TTN: variants seen among roughly 807,000 people sequenced by gnomAD.
The protein encoded by TTN is titin.
In TTN, 1,525 loss-of-function variants were observed where a neutral mutation model predicts 3,223.0. That is an observed-to-expected ratio of 0.47 (90% CI 0.45 to 0.49). The LOEUF is 0.49. Among genes scored for constraint, TTN ranks in the 20% least tolerant of loss-of-function variants. The pLI is 0.00. For missense variants in TTN, 40,786 were observed against 43,424.0 expected (o/e 0.94, Z 5.40); for synonymous variants, 14,094 against 15,161.0 (o/e 0.93, Z 5.17).
At chr2:178,556,667 C>G (rs1253102893) in intron 330 of TTN, 181 bp downstream of exon 330, 3 of 666,648 alleles carry the variant, frequency 4.5e-6, no homozygotes, top group Admixed American at 3.0e-5. Flanking sequence ...ACAGTCAAGT[C>G]AAGAGGGCTG....
intron 282 of TTN, 55 bp downstream of exon 282, chr2:178,603,821 C>T: frequency 2.8e-6 from 4 of 1,438,556 alleles, no homozygotes; most frequent in Admixed American, 2.3e-5. Context: ...CAGAATTATC[C>T]ATTTAGTGAC....
In TTN at chr2:178,579,570, C is replaced by T. The variant is rs1283302985; in HGVS notation, c.67627G>A (p.Asp22543Asn). The T allele has an allele frequency of 6.2e-7, 1 of 1,613,034 alleles. No homozygotes were observed. Among genetic ancestry groups the T allele is most frequent in the African/African-American group, 1.3e-5 (1 of 74,874 alleles). Residue 22543 changes from aspartate to asparagine, a missense_variant, in exon 319 of 363, where the codon GAT becomes AAT. Coordinates refer to ENST00000589042, the MANE Select transcript of TTN (RefSeq NM_001267550.2). ...TPSEITVVAR[D>N]DVVAPDLDLK... ...GTGCATAGAGCCTTACCAACATCAT[C>T]CCTTGCCACAACAGTGATTTCGCTT...
chr2:178,650,744 C>A lies in TTN; in HGVS notation c.39709+7G>T. 1 of 1,597,912 alleles carries A rather than the reference C, an allele frequency of 6.3e-7. No individual in the cohort carries two copies. Among genetic ancestry groups the A allele is most frequent in the Non-Finnish European group, 8.5e-7 (1 of 1,171,430 alleles). ...GCAAGGTCATTAATCACCGGTCTCA[C>A]GTGTACCTTCTGGGGGAGGAGACTC... On this transcript the variant is annotated splice_region_variant and intron_variant, in intron 209 of 362. Coordinates refer to ENST00000589042, the MANE Select transcript of TTN (RefSeq NM_001267550.2).
At chr2:178,716,660 A>G (rs1293955563) in intron 88 of TTN, among the ~76,000 whole-genome samples, 1 of 152,172 alleles carries the variant, frequency 6.6e-6, no homozygotes, top group Non-Finnish European at 1.5e-5. Context: ...AGTTGAACTT[A>G]TCATTCTCAT....
chr2:178,780,711 G>C (rs1046381447), intron 21 of TTN, among the ~76,000 whole-genome samples: 1 of 152,138 alleles, frequency 6.6e-6, no homozygotes, highest in Non-Finnish European at 1.5e-5. Flanking sequence ...AGGAGCTCTA[G>C]CAACACTGAG....
In TTN at chr2:178,540,383, A is replaced by G. The variant is rs1693813599; in HGVS notation, c.97796-13T>C. 6.2e-7 allele frequency: 1 copy of G among 1,603,384 alleles called. No homozygotes were observed. The highest frequency in any genetic ancestry group is 1.1e-5 in the South Asian group (1 of 89,940). ...TTTCCTGGAGGAGCTGAGAATAAGA[A>G]TAAGAATATACTGGTTAAAGTTGCT... On this transcript the variant is annotated splice_polypyrimidine_tract_variant and intron_variant, in intron 350 of 362. Transcript: ENST00000589042.
chr2:178,640,805 T>C (rs1448941458), intron 220 of TTN, among the ~76,000 whole-genome samples, 175 bp from the exon 221 acceptor site: 1 of 151,954 alleles, frequency 6.6e-6, no homozygotes, highest in Non-Finnish European at 1.5e-5. Context: ...TTTTTCTTCC[T>C]TTTATTCCAT....
In TTN at chr2:178,611,528, T is replaced by C. The variant is rs1398055994; in HGVS notation, c.50701A>G (p.Arg16901Gly). The change falls in exon 269 of 363, where the codon AGA becomes GGA. Residue 16901 changes from arginine to glycine, a missense_variant. Coordinates refer to ENST00000589042, the MANE Select transcript of TTN (RefSeq NM_001267550.2). ...TCCTTTATTGGGCGAGAATTAACTCTCATCCATTTCTCAGTGCCTACTGGA... is the reference window on the plus strand; with the variant it reads ...TCCTTTATTGGGCGAGAATTAACTCCCATCCATTTCTCAGTGCCTACTGGA... ...MCPVGTEKWM[R>G]VNSRPIKDLK... is the part of the protein sequence containing the mutation. 2 of 1,612,922 alleles carry C rather than the reference T, an allele frequency of 1.2e-6. No homozygotes were observed. The highest frequency in any genetic ancestry group is 2.7e-5 in the African/African-American group (2 of 74,862).
At position 178,652,864 on chromosome 2, in the gene TTN, T is replaced by TTG; in HGVS notation, c.38942_38943insCA (p.Glu12981AspfsTer98). 1 of 1,612,010 alleles carries TTG rather than the reference T, an allele frequency of 6.2e-7. No individual in the cohort carries two copies. Among genetic ancestry groups the TTG allele is most frequent in the Non-Finnish European group, 8.5e-7 (1 of 1,179,202 alleles). On this transcript the variant is annotated frameshift_variant, in exon 200 of 363. Transcript: ENST00000589042. LOFTEE classifies it high-confidence loss of function. ...GACAAATACCTTTAACAGGAGGGAC[T>TTG]TCAGGCTTTTTAGGAGGAGCCAAGG...
In TTN at chr2:178,609,863, A is replaced by G; in HGVS notation, c.51560T>C (p.Ile17187Thr). The change falls in exon 272 of 363, where the codon ATT becomes ACT. Residue 17187 changes from isoleucine to threonine, a missense_variant. Ile to Thr is a moderately conservative substitution (Grantham distance 89). Coordinates refer to ENST00000589042, the MANE Select transcript of TTN (RefSeq NM_001267550.2). ...SKIMGYIIEK[I>T]AKGEERWKRC... ...CTTCCACCTTTCTTCACCCTTAGCAATCTTCTCTATGATGTAGCCCATTAT... is the reference window on the plus strand; with the variant it reads ...CTTCCACCTTTCTTCACCCTTAGCAGTCTTCTCTATGATGTAGCCCATTAT... 1.2e-6 allele frequency: 2 copies of G among 1,612,910 alleles called. No individual in the cohort carries two copies. Among genetic ancestry groups the G allele is most frequent in the South Asian group, 1.1e-5 (1 of 91,038 alleles).
intron 159 of TTN, 52 bp from the exon 160 acceptor site, chr2:178,667,773 A>C: frequency 1.6e-6 from 2 of 1,281,922 alleles, no homozygotes; most frequent in Non-Finnish European, 2.2e-6. Flanking sequence ...GTGGATAAAG[A>C]AGTGTATTAA....
chr2:178,749,069 G>T (rs764334847), intron 47 of TTN: 10 of 1,612,754 alleles, frequency 6.2e-6, no homozygotes, highest in Middle Eastern at 1.7e-4. Flanking sequence ...TTCACCAAGG[G>T]ATTCTTCATA....
chr2:178,723,380 A>G, intron 74 of TTN, 38 bp downstream of exon 74: 2 of 1,604,600 alleles, frequency 1.2e-6, no homozygotes, highest in Non-Finnish European at 1.7e-6. Context: ...GGATGTCGGT[A>G]TACAGAAAAC....
chr2:178,640,023 T>C, intron 222 of TTN, 25 bp downstream of exon 222: 1 of 1,611,080 alleles, frequency 6.2e-7, no homozygotes, highest in Non-Finnish European at 8.5e-7. Context: ...AATATGCTGT[T>C]GACATTGAGG....
At chr2:178,659,477 T>C (rs1194100675) in intron 180 of TTN, among the ~76,000 whole-genome samples, 4 of 147,324 alleles carry the variant, frequency 2.7e-5, no homozygotes, top group Non-Finnish European at 3.1e-5. Flanking sequence ...GAAAGGGCCT[T>C]TGACAAAATT....
intron 18 of TTN, 40 bp downstream of exon 18, chr2:178,782,766 A>C: frequency 1.2e-6 from 2 of 1,612,008 alleles, no homozygotes; most frequent in Non-Finnish European, 1.7e-6. Context: ...GATGAAAGTG[A>C]TGGCATGTGC....
intron 241 of TTN, among the ~76,000 whole-genome samples, chr2:178,625,019 G>T (rs1025148932): frequency 2.0e-5 from 3 of 151,898 alleles, no homozygotes; most frequent in Admixed American, 2.0e-4. Context: ...CCTCCAGCTG[G>T]CTTTTGAAAA....
chr2:178,588,087 A>G lies in TTN; in HGVS notation c.63320T>C (p.Ile21107Thr). ...IGYVVEMRPKIADASPDEGWK... is the reference protein window; with the variant it reads ...IGYVVEMRPKTADASPDEGWK... The stretch of plus-strand genomic sequence containing the variant: ...GCCTTCATCAGGAGACGCATCTGCT[A>G]TTTTTGGTCTCATTTCCACAACATA... Residue 21107 changes from isoleucine to threonine, a missense_variant, in exon 305 of 363, where the codon ATA becomes ACA. By Grantham distance (89) the Ile-to-Thr change is moderately conservative. Transcript: ENST00000589042. 6.2e-7 allele frequency: 1 copy of G among 1,612,872 alleles called. No individual in the cohort carries two copies.
rs199652066 is a variant in TTN, at chr2:178,740,500, T to G, written c.12733A>C (p.Asn4245His). 1.7e-4 allele frequency: 273 copies of G among 1,613,778 alleles called. 1 individual carries two copies. In the African/African-American group the frequency reaches 3.2e-3, roughly 19 times the overall value. The change falls in exon 48 of 363, where the codon AAC becomes CAC. Residue 4245 changes from asparagine to histidine, a missense_variant. Coordinates refer to ENST00000589042, the MANE Select transcript of TTN (RefSeq NM_001267550.2). ...TGAAGAGTCACTCTTTGCTCTCTGT[T>G]GGTGTCAGATACTGTCTTTTCTTTT... Reference protein sequence around the residue: ...SPKEKTVSDTNREQRVTLQKQ... With the variant: ...SPKEKTVSDTHREQRVTLQKQ...
Sources: allele counts gnomAD v4.1 joint callset (sites outside exome capture counted in the v4.1 genomes callset), GRCh38; gene constraint gnomAD v4.1.1; transcripts MANE v1.5; gene names NCBI Gene and HGNC (gene_info 2026-07-23, HGNC 2026-07-21).